The following PPARGC1A variants were observed in gnomAD, a reference collection of about 807,000 sequenced individuals.
PPARGC1A encodes the protein peroxisome proliferator-activated receptor gamma coactivator 1-alpha.
PPARGC1A carries 25 observed loss-of-function variants against 88.7 expected under a neutral mutation model. That is an observed-to-expected ratio of 0.28 (90% CI 0.21 to 0.39). The LOEUF (loss-of-function observed/expected upper bound fraction) is 0.39. Ranked by LOEUF, PPARGC1A falls within the 10% of genes least tolerant of loss-of-function variation. The pLI, the probability that PPARGC1A is intolerant of heterozygous loss-of-function variation, is 1.00. For missense variants in PPARGC1A, 880 were observed against 968.7 expected (o/e 0.91, Z 1.22); for synonymous variants, 363 against 355.6 (o/e 1.02, Z -0.24).
the PPARGC1A span, among the ~76,000 whole-genome samples, chr4:23,947,515 G>C: frequency 6.6e-6 from 1 of 151,490 alleles, no homozygotes; most frequent in Non-Finnish European, 1.5e-5. Context: ...CCCAGAACCT[G>C]CATCTTCATC....
chr4:24,059,678 A>G, the PPARGC1A span, among the ~76,000 whole-genome samples: 10 of 152,266 alleles, frequency 6.6e-5, no homozygotes, highest in South Asian at 2.1e-4. Context: ...ACAACCCCCA[A>G]TGCAGAAGAG....
chr4:24,391,628 G>A, the PPARGC1A span, among the ~76,000 whole-genome samples: 1 of 152,016 alleles, frequency 6.6e-6, no homozygotes, highest in Non-Finnish European at 1.5e-5. Context: ...ACTATTAAAA[G>A]GTTGTATTTA....
rs771733882 is a variant in PPARGC1A at position 23,802,201 on chromosome 4, G to T, written c.2141+23C>A. On this transcript the variant is annotated intron_variant, in intron 11 of 12. Coordinates refer to ENST00000264867, the MANE Select transcript of PPARGC1A (RefSeq NM_013261.5). ...TTTACATACGTCAGCTTCTAAACAAGAAATAATCTTGAAGATTCTCACCCA... is the reference window on the plus strand; with the variant it reads ...TTTACATACGTCAGCTTCTAAACAATAAATAATCTTGAAGATTCTCACCCA... 3 of 1,613,878 alleles carry T rather than the reference G, an allele frequency of 1.9e-6. No individual in the cohort carries two copies. In the East Asian group the frequency reaches 6.7e-5, roughly 36 times the overall value.
chr4:23,884,768 G>A lies in PPARGC1A; in HGVS notation c.218C>T (p.Pro73Leu). 5.6e-6 allele frequency: 9 copies of A among 1,609,976 alleles called. No individual in the cohort carries two copies. Among genetic ancestry groups the A allele is most frequent in the Non-Finnish European group, 7.6e-6 (9 of 1,178,050 alleles). The change falls in exon 2 of 13, where the codon CCT becomes CTT. Residue 73 changes from proline (P) to leucine (L), a missense_variant. Physicochemically the swap from Pro to Leu is moderately conservative, Grantham distance 98 (BLOSUM62 -3). Transcript: ENST00000264867. ...TGTCCTTACCTCAAATATGTTTGAA[G>A]GCTCATTGTTGTACTGATTGGATAT... Reference protein sequence around the residue: ...EIISNQYNNEPSNIFEKIDEE... With the variant: ...EIISNQYNNELSNIFEKIDEE...
the PPARGC1A span, among the ~76,000 whole-genome samples, chr4:24,284,582 T>G: frequency 6.6e-6 from 1 of 152,208 alleles, no homozygotes; most frequent in African/African-American, 2.4e-5. Flanking sequence ...CCCCATTGTT[T>G]CCAGAATACC....
chr4:23,876,609 C>G (rs1714736054), intron 2 of PPARGC1A, among the ~76,000 whole-genome samples: 2 of 152,118 alleles, frequency 1.3e-5, no homozygotes, highest in African/African-American at 2.4e-5. Flanking sequence ...GATTTGACTA[C>G]TGAGTCTCCT....
chr4:24,337,762 C>T, the PPARGC1A span, among the ~76,000 whole-genome samples: 50 of 151,690 alleles, frequency 3.3e-4, no homozygotes, highest in Non-Finnish European at 4.3e-4. Flanking sequence ...TAAGAAAGGG[C>T]GAAACCAAAT....
At chr4:24,351,821 T>C in the PPARGC1A span, among the ~76,000 whole-genome samples, 2 of 152,102 alleles carry the variant, frequency 1.3e-5, no homozygotes, top group Non-Finnish European at 2.9e-5. Context: ...GGGTTTGTTT[T>C]TTTGTTTTTT....
the PPARGC1A span, among the ~76,000 whole-genome samples, chr4:24,101,875 G>C: frequency 6.6e-6 from 1 of 152,166 alleles, no homozygotes; most frequent in Admixed American, 6.5e-5. Context: ...AGGTACTAAC[G>C]ATTGAGAGAT....
chr4:24,006,117 C>G, the PPARGC1A span, among the ~76,000 whole-genome samples: 1 of 152,154 alleles, frequency 6.6e-6, no homozygotes, highest in Non-Finnish European at 1.5e-5. Context: ...GTGGCCCAAT[C>G]TGCTCACTGC....
the PPARGC1A span, among the ~76,000 whole-genome samples, chr4:24,130,980 G>T: frequency 6.6e-6 from 1 of 152,116 alleles, no homozygotes; most frequent in African/African-American, 2.4e-5. Context: ...TCTCCCACCC[G>T]CTTCCTGCAG....
At chr4:23,977,276 T>A in the PPARGC1A span, among the ~76,000 whole-genome samples, 1 of 152,146 alleles carries the variant, frequency 6.6e-6, no homozygotes, top group Non-Finnish European at 1.5e-5. Context: ...GTTCCCACCT[T>A]CCTCTGCATG....
the PPARGC1A span, among the ~76,000 whole-genome samples, chr4:24,029,756 A>G: frequency 6.6e-6 from 1 of 152,118 alleles, no homozygotes; most frequent in Non-Finnish European, 1.5e-5. Context: ...TAAAGTCAGA[A>G]CTCCAAAACA....
At chr4:23,928,765 A>C in the PPARGC1A span, among the ~76,000 whole-genome samples, 22 of 7,526 alleles carry the variant, frequency 2.9e-3, no homozygotes, top group South Asian at 8.5e-3. Flanking sequence ...AAAAAACAAA[A>C]AAAACAAAAA....
the PPARGC1A span, among the ~76,000 whole-genome samples, chr4:24,002,288 C>T: frequency 1.3e-5 from 2 of 152,038 alleles, no homozygotes; most frequent in Non-Finnish European, 2.9e-5. Context: ...CCACCACACC[C>T]AGCTGACTTT....
the PPARGC1A span, among the ~76,000 whole-genome samples, chr4:24,267,379 T>A: frequency 6.6e-6 from 1 of 152,228 alleles, no homozygotes; most frequent in Non-Finnish European, 1.5e-5. Context: ...TTCCATGACC[T>A]GGCACTCACT....
the PPARGC1A span, among the ~76,000 whole-genome samples, chr4:24,419,362 T>C: frequency 1.3e-5 from 2 of 149,292 alleles, no homozygotes; most frequent in Admixed American, 1.4e-4. Context: ...AGTGTGTGTG[T>C]GTGTGTGTGT....
chr4:23,851,793 T>A (rs1729342775), intron 2 of PPARGC1A, among the ~76,000 whole-genome samples: 1 of 152,216 alleles, frequency 6.6e-6, no homozygotes, highest in Non-Finnish European at 1.5e-5. Flanking sequence ...GATTTTGCTC[T>A]CTCTTCAAAC....
At chr4:24,127,380 T>C in the PPARGC1A span, among the ~76,000 whole-genome samples, 10 of 152,068 alleles carry the variant, frequency 6.6e-5, no homozygotes, top group African/African-American at 2.4e-4. Flanking sequence ...AGTATCAAGT[T>C]TTCTTCCAAA....
Sources: gnomAD v4.1 joint callset for allele counts (sites outside exome capture counted in the v4.1 genomes callset) on GRCh38, gnomAD v4.1.1 for gene constraint, MANE v1.5 for transcripts, NCBI Gene and HGNC (gene_info 2026-07-23, HGNC 2026-07-21) for gene names.